The following CLVS1 variants were observed in gnomAD, a reference collection of about 807,000 sequenced individuals.
CLVS1 encodes the protein clavesin-1.
CLVS1 carries 10 observed loss-of-function variants against 33.1 expected under a neutral mutation model. The ratio of observed to expected loss-of-function variants is 0.30; its 90% confidence interval spans 0.19 to 0.51. The LOEUF (loss-of-function observed/expected upper bound fraction) is 0.51, where lower values mean the gene tolerates loss of function less well. CLVS1 is among the 20% of genes least tolerant of loss of function. CLVS1 has a pLI of 0.97. For synonymous variants in CLVS1, 163 were observed against 166.1 expected, an observed-to-expected ratio of 0.98 and a Z score of 0.14; for missense variants, 343 against 433.4, an observed-to-expected ratio of 0.79 and a Z score of 1.85.
At chr8:61,411,743 G>A (rs963321887) in intron 3 of CLVS1, among the ~76,000 whole-genome samples, 5 of 152,160 alleles carry the variant, frequency 3.3e-5, no homozygotes, top group Non-Finnish European at 5.9e-5. Context: ...GGCCTCCCAT[G>A]GTGGGTCACC....
chr8:61,125,940 G>A lies in CLVS1; in HGVS notation c.-242-5830G>A, dbSNP rs578057842. Among the ~76,000 whole-genome samples the A allele has an allele frequency of 8.3e-4, 122 of 147,108 alleles. 1 individual carries two copies. The highest frequency in any genetic ancestry group is 2.6e-3 in the African/African-American group (100 of 39,188). On this transcript the variant is annotated intron_variant, in intron 1 of 2. Coordinates refer to the CLVS1 transcript ENST00000522621. ...AAACAGCCTCGTTGGTTTGATAAACGGAATAGAGCCTTTTTTAAGGACATT... is the reference window on the plus strand; with the variant it reads ...AAACAGCCTCGTTGGTTTGATAAACAGAATAGAGCCTTTTTTAAGGACATT...
intron 2 of CLVS1, among the ~76,000 whole-genome samples, chr8:61,331,032 T>A (rs57724912): frequency 0.023 from 3,507 of 152,060 alleles, 136 homozygotes; most frequent in East Asian, 0.18. Flanking sequence ...CAGTGAGATA[T>A]AATTATGCCA....
intron 2 of CLVS1, among the ~76,000 whole-genome samples, chr8:61,216,059 C>T (rs910889655): frequency 2.0e-5 from 3 of 152,158 alleles, no homozygotes; most frequent in Admixed American, 6.5e-5. Context: ...AAAATATCCG[C>T]TTGCCTTCAC....
intron 5 of CLVS1, 89 bp from the exon 6 acceptor site, chr8:61,499,366 G>GAGAAAT (rs1563582663): frequency 9.4e-6 from 8 of 854,352 alleles, no homozygotes; most frequent in Admixed American, 5.6e-5. Flanking sequence ...ATTAAAAAGA[G>GAGAAAT]AAATATAAAA....
At chr8:61,319,111 C>T (rs936576851) in intron 2 of CLVS1, among the ~76,000 whole-genome samples, 5 of 151,948 alleles carry the variant, frequency 3.3e-5, no homozygotes, top group Admixed American at 1.3e-4. Flanking sequence ...AATTTCTCTA[C>T]CTCTTTTGGT....
chr8:61,245,916 T>A (rs1039610379), intron 2 of CLVS1, among the ~76,000 whole-genome samples: 3 of 151,038 alleles, frequency 2.0e-5, no homozygotes, highest in African/African-American at 7.4e-5. Flanking sequence ...TACAGATATG[T>A]ACCATTACAC....
At chr8:61,299,383 A>G (rs569927373) in intron 1 of CLVS1, among the ~76,000 whole-genome samples, 36 of 152,228 alleles carry the variant, frequency 2.4e-4, no homozygotes, top group Non-Finnish European at 3.5e-4. Flanking sequence ...GGTAATTAAT[A>G]AAAGTGCATG....
At chr8:61,089,343 G>A (rs960078298) in intron 1 of CLVS1, among the ~76,000 whole-genome samples, 2 of 152,140 alleles carry the variant, frequency 1.3e-5, no homozygotes, top group African/African-American at 4.8e-5. Context: ...AATTATTCTA[G>A]AACAAAGTCG....
chr8:61,290,630 T>C (rs1809952574), intron 1 of CLVS1, among the ~76,000 whole-genome samples: 1 of 152,228 alleles, frequency 6.6e-6, no homozygotes, highest in African/African-American at 2.4e-5. Context: ...CTAAGAAGTC[T>C]ATTCACAACT....
chr8:61,464,374 A>T (rs1817474347), intron 5 of CLVS1, among the ~76,000 whole-genome samples: 1 of 152,214 alleles, frequency 6.6e-6, no homozygotes, highest in Non-Finnish European at 1.5e-5. Context: ...TTCAAAACTG[A>T]TTAGTTGGCT....
intron 1 of CLVS1, among the ~76,000 whole-genome samples, chr8:61,092,540 C>T (rs1239322250): frequency 4.6e-5 from 7 of 152,208 alleles, no homozygotes; most frequent in African/African-American, 1.4e-4. Flanking sequence ...TGCAAAGTTT[C>T]CTTCTTCTCT....
chr8:61,334,078 C>T (rs1811696638), intron 2 of CLVS1, among the ~76,000 whole-genome samples: 1 of 152,180 alleles, frequency 6.6e-6, no homozygotes, highest in Non-Finnish European at 1.5e-5. Context: ...ATATGTACCA[C>T]ATTTTCTTTA....
upstream of CLVS1, among the ~76,000 whole-genome samples, chr8:61,286,437 G>C (rs553963294): frequency 2.0e-5 from 3 of 152,214 alleles, no homozygotes; most frequent in South Asian, 6.2e-4. Context: ...AAATTCCTTC[G>C]CTTGCTGCAA....
chr8:61,471,888 C>T (rs528096253), intron 5 of CLVS1, among the ~76,000 whole-genome samples: 23 of 152,292 alleles, frequency 1.5e-4, no homozygotes, highest in Non-Finnish European at 3.1e-4. Context: ...GATGCTTCTC[C>T]GCCTAACTCC....
the CLVS1 span, among the ~76,000 whole-genome samples, chr8:60,992,117 G>A: frequency 2.0e-5 from 3 of 152,142 alleles, no homozygotes; most frequent in Middle Eastern, 3.4e-3. Context: ...CCATCCCCTG[G>A]GCCCAGTCAG....
intron 3 of CLVS1, among the ~76,000 whole-genome samples, chr8:61,443,806 G>T (rs1277330142): frequency 6.6e-6 from 1 of 151,984 alleles, no homozygotes; most frequent in Non-Finnish European, 1.5e-5. Context: ...GATGGATGTT[G>T]CATTAAACCT....
At chr8:61,317,363 A>T (rs2129595916) in intron 2 of CLVS1, among the ~76,000 whole-genome samples, 1 of 152,310 alleles carries the variant, frequency 6.6e-6, no homozygotes, top group African/African-American at 2.4e-5. Flanking sequence ...TGAGGGGAGG[A>T]GTCCTCATGA....
intron 2 of CLVS1, among the ~76,000 whole-genome samples, chr8:61,247,745 GT>G (rs1200517319): frequency 6.6e-6 from 1 of 151,860 alleles, no homozygotes; most frequent in Non-Finnish European, 1.5e-5. Context: ...TCTGTAGACT[GT>G]CTGTTGATAG....
At chr8:61,361,069 G>T (rs1399214589) in intron 2 of CLVS1, among the ~76,000 whole-genome samples, 1 of 151,900 alleles carries the variant, frequency 6.6e-6, no homozygotes, top group Admixed American at 6.6e-5. Context: ...AGGGGGAGGG[G>T]GTGCTACACA....
Sources: gnomAD v4.1 joint callset for allele counts (sites outside exome capture counted in the v4.1 genomes callset) on GRCh38, gnomAD v4.1.1 for gene constraint, MANE v1.5 for transcripts, NCBI Gene and HGNC (gene_info 2026-07-23, HGNC 2026-07-21) for gene names.